The following SEPTIN9 variants were observed in gnomAD, a reference collection of about 807,000 sequenced individuals.
SEPTIN9 encodes septin 9, also known as septin-9.
Under a neutral mutation model 56.6 loss-of-function variants are expected in SEPTIN9, and 13 were observed. The ratio of observed to expected loss-of-function variants is 0.23; its 90% confidence interval spans 0.15 to 0.37. SEPTIN9 has a LOEUF of 0.37. Among genes scored for constraint, SEPTIN9 ranks in the 10% least tolerant of loss-of-function variants. SEPTIN9 has a pLI of 1.00. For missense variants in SEPTIN9, 650 were observed against 823.1 expected (o/e 0.79, Z 2.57); for synonymous variants, 332 against 334.1 (o/e 0.99, Z 0.07).
chr17:77,478,721 T>C (rs1199552617), intron 3 of SEPTIN9, among the ~76,000 whole-genome samples: 3 of 150,834 alleles, frequency 2.0e-5, no homozygotes, highest in Non-Finnish European at 4.4e-5. Context: ...GAGAATTGCT[T>C]GAACCTGGGG....
At chr17:77,447,206 C>A (rs574070358) in intron 3 of SEPTIN9, 52 of 167,160 alleles carry the variant, frequency 3.1e-4, no homozygotes, top group African/African-American at 1.2e-3. Context: ...GCGGGGAGGC[C>A]GGCGTGTGGA....
At chr17:77,430,963 C>T (rs1443007163) in intron 3 of SEPTIN9, among the ~76,000 whole-genome samples, 1 of 151,354 alleles carries the variant, frequency 6.6e-6, no homozygotes, top group East Asian at 1.9e-4. Context: ...TGCACTCCAG[C>T]CTGGGCAACA....
intron 3 of SEPTIN9, among the ~76,000 whole-genome samples, chr17:77,461,781 A>G (rs556085369): frequency 1.3e-5 from 2 of 152,352 alleles, no homozygotes; most frequent in African/African-American, 2.4e-5. Flanking sequence ...GAGGTTGGCA[A>G]GTGCCAAGAT....
intron 2 of SEPTIN9, among the ~76,000 whole-genome samples, chr17:77,372,590 T>C (rs558553179): frequency 3.3e-5 from 5 of 152,298 alleles, no homozygotes; most frequent in Non-Finnish European, 7.4e-5. Context: ...GAGGCCCTTA[T>C]TGTGGAGGAA....
In SEPTIN9 at chr17:77,330,752, G is replaced by A. The variant is rs1175657917; in HGVS notation, c.76+23555G>A. The stretch of plus-strand genomic sequence containing the variant: ...GGGAGAGGCACAGGCATGCCTGTCC[G>A]GCAGCAGAAGGGAACCCCGGGCCTG... On this transcript the variant is annotated intron_variant, in intron 2 of 11. Coordinates refer to ENST00000427177, the MANE Select transcript of SEPTIN9 (RefSeq NM_001113491.2). This position sits in a 1 kb window ranked among gnomAD's most constrained non-coding sequence, Gnocchi z 4.4. 6.6e-6 allele frequency among the ~76,000 whole-genome samples: 1 copy of A among 152,240 alleles called. No individual in the cohort carries two copies. Among genetic ancestry groups the A allele is most frequent in the Non-Finnish European group, 1.5e-5 (1 of 68,036 alleles).
rs868605809 is a variant in SEPTIN9 at position 77,373,377 on chromosome 17, C to G, written c.77-28682C>G. On this transcript the variant is annotated intron_variant, in intron 2 of 11. Transcript: ENST00000427177. ...CCAGGGGGCCTAGGGGCTCCTCCGG[C>G]GGCTAGCTCTGCACTGCAGGAGCGC... 2.5e-6 allele frequency: 3 copies of G among 1,211,186 alleles called. No homozygotes were observed. In the East Asian group the frequency reaches 1.1e-4, roughly 44 times the overall value. The allele number at this position is 1,211,186 out of a possible 1,614,324, so 75.0% of individuals were successfully genotyped here. A position where few individuals can be genotyped will look rare whatever the true frequency, so the allele number is the denominator to read the frequency against.
rs958315057 is a variant in SEPTIN9, at chr17:77,319,383, G to A, written c.76+12186G>A. ...AGCACTGATCCCCCAGTGGGGCCCC[G>A]AGTTCCCGGAGAGGAAGACTCGCTC... On this transcript the variant is annotated intron_variant, in intron 2 of 11. Coordinates refer to ENST00000427177, the MANE Select transcript of SEPTIN9 (RefSeq NM_001113491.2). This position sits in a 1 kb window ranked among gnomAD's most constrained non-coding sequence, Gnocchi z 5.3. 3 of 261,962 alleles carry A rather than the reference G, an allele frequency of 1.1e-5. No individual in the cohort carries two copies. The highest frequency in any genetic ancestry group is 6.8e-5 in the African/African-American group (3 of 43,886). The allele number at this position is 261,962 out of a possible 1,614,324, so 16.2% of individuals were successfully genotyped here. A position where few individuals can be genotyped will look rare whatever the true frequency, so the allele number is the denominator to read the frequency against.
intron 2 of SEPTIN9, among the ~76,000 whole-genome samples, chr17:77,339,231 A>T (rs2033651015): frequency 6.6e-6 from 1 of 152,226 alleles, no homozygotes; most frequent in Non-Finnish European, 1.5e-5. Context: ...AGAATGGGGA[A>T]TCCTTTCCAG....
intron 3 of SEPTIN9, among the ~76,000 whole-genome samples, chr17:77,470,591 C>G (rs1286778254): frequency 6.6e-6 from 1 of 152,186 alleles, no homozygotes; most frequent in Non-Finnish European, 1.5e-5. Context: ...TCCAGTCATT[C>G]ATCCATTTGC....
rs889203957 is a variant in SEPTIN9, at chr17:77,453,187, G to A, written c.722-28957G>A. On this transcript the variant is annotated intron_variant, in intron 3 of 11. Coordinates refer to ENST00000427177, the MANE Select transcript of SEPTIN9 (RefSeq NM_001113491.2). This position sits in a 1 kb window ranked among gnomAD's most constrained non-coding sequence, Gnocchi z 4.4. ...CCACTGTGTGCGCCTGGGGGGTGGC[G>A]TGGGGCACTCTGGGATGAGAAGATG... Among the ~76,000 whole-genome samples, 10 of 152,258 alleles carry A rather than the reference G, an allele frequency of 6.6e-5. No homozygotes were observed. Among genetic ancestry groups the A allele is most frequent in the East Asian group, 3.9e-4 (2 of 5,178 alleles).
intron 1 of SEPTIN9, among the ~76,000 whole-genome samples, chr17:77,283,203 A>G (rs1295580759): frequency 7.0e-6 from 1 of 143,200 alleles, no homozygotes; most frequent in Non-Finnish European, 1.5e-5. Flanking sequence ...AACCTTTTGC[A>G]GTAGGTGGAA....
In SEPTIN9 at chr17:77,346,278, C is replaced by CTTTTTTTTTTTTTT. The variant is rs577131369; in HGVS notation, c.76+39097_76+39110dup. Among the ~76,000 whole-genome samples the CTTTTTTTTTTTTTT allele has an allele frequency of 7.6e-4, 35 of 46,312 alleles. 1 individual carries two copies. The highest frequency in any genetic ancestry group is 1.7e-3 in the East Asian group (2 of 1,144). The allele number at this position is 46,312 out of a possible 152,430, so 30.4% of individuals were successfully genotyped here. ...AGATTCTTAAAGCAGATCCTTAGGT[C>CTTTTTTTTTTTTTT]TTTTTTTTTTTTTTTTTTTTTTTTT... On this transcript the variant is annotated intron_variant, in intron 2 of 11. Transcript: ENST00000427177.
intron 3 of SEPTIN9, among the ~76,000 whole-genome samples, chr17:77,477,113 T>TCCTTCCCCCTCCCTCCTTCCCTTCTTTC (rs1450993186): frequency 3.3e-5 from 5 of 151,408 alleles, no homozygotes; most frequent in African/African-American, 1.2e-4. Context: ...CTTCCCTGTT[T>TCCTTCCCCCTCCCTCCTTCCCTTCTTTC]CCTTCCCCCT....
At position 77,492,640 on chromosome 17, in the gene SEPTIN9, C is replaced by A; in HGVS notation, c.1400C>A (p.Ser467Tyr). 6.2e-7 allele frequency: 1 copy of A among 1,614,092 alleles called. No individual in the cohort carries two copies. Among genetic ancestry groups the A allele is most frequent in the Non-Finnish European group, 8.5e-7 (1 of 1,180,012 alleles). ...TCCCAGATCACCGCAGACCTGCTGT[C>A]CAACGGCATCGACGTGTACCCCCAG... ...FKQRITADLL[S>Y]NGIDVYPQKE... Residue 467 changes from serine (S) to tyrosine (Y), a missense_variant, in exon 9 of 12, where the codon TCC becomes TAC. Ser to Tyr is a moderately radical substitution (Grantham distance 144). Transcript: ENST00000427177. The surrounding 1 kb of genome is among the most constrained non-coding windows in gnomAD (Gnocchi z 5.4).
At chr17:77,461,615 A>C (rs2144502713) in intron 3 of SEPTIN9, among the ~76,000 whole-genome samples, 1 of 152,352 alleles carries the variant, frequency 6.6e-6, no homozygotes, top group South Asian at 2.1e-4. Context: ...ACATACTGTG[A>C]CGTTGACCTT....
intron 2 of SEPTIN9, among the ~76,000 whole-genome samples, chr17:77,321,510 C>T (rs906027443): frequency 2.3e-4 from 35 of 152,062 alleles, no homozygotes; most frequent in African/African-American, 8.0e-4. Context: ...TGCCATTCTC[C>T]TGCCTCAGCC....
chr17:77,424,779 A>G (rs1406359744), intron 3 of SEPTIN9, among the ~76,000 whole-genome samples: 1 of 152,184 alleles, frequency 6.6e-6, no homozygotes, highest in Non-Finnish European at 1.5e-5. Flanking sequence ...GGGAGGATCA[A>G]ATGAGACCTG....
rs1180077787 is a variant in SEPTIN9 at position 77,313,620 on chromosome 17, C to A, written c.76+6423C>A. 1.3e-5 allele frequency among the ~76,000 whole-genome samples: 2 copies of A among 152,104 alleles called. No homozygotes were observed. Among genetic ancestry groups the A allele is most frequent in the African/African-American group, 4.8e-5 (2 of 41,406 alleles). On this transcript the variant is annotated intron_variant, in intron 2 of 11. Transcript: ENST00000427177. The surrounding 1 kb of genome is among the most constrained non-coding windows in gnomAD (Gnocchi z 4.5). Reference sequence around the variant, plus strand: ...CTGGCTCTGCTGGCAGGTACAGTAGCAGGGTCAGCAGGAGGGAGTCCAGGA... The same window carrying A: ...CTGGCTCTGCTGGCAGGTACAGTAGAAGGGTCAGCAGGAGGGAGTCCAGGA...
Position 77,402,746 on chromosome 17 carries a change from G to C in SEPTIN9, c.721+43G>C, listed in dbSNP as rs772103681. ...AGGTCTTGGATGCTGTGGTAATGGG[G>C]GGCCTGGTTGCTGGCTTTGCCACAG... On this transcript the variant is annotated intron_variant, in intron 3 of 11. Coordinates refer to ENST00000427177, the MANE Select transcript of SEPTIN9 (RefSeq NM_001113491.2). This position sits in a 1 kb window ranked among gnomAD's most constrained non-coding sequence, Gnocchi z 6.6. 8 of 1,512,640 alleles carry C rather than the reference G, an allele frequency of 5.3e-6. No individual in the cohort carries two copies. The African/African-American group carries it at 8.4e-5, about 16-fold the overall frequency. 93.7% of individuals were successfully genotyped at this position (1,512,640 alleles called of 1,614,324 possible). A position where few individuals can be genotyped will look rare whatever the true frequency, so the allele number is the denominator to read the frequency against.
Sources: allele counts gnomAD v4.1 joint callset (sites outside exome capture counted in the v4.1 genomes callset), GRCh38; gene constraint gnomAD v4.1.1; non-coding constraint Gnocchi (gnomAD v3.1); transcripts MANE v1.5; gene names NCBI Gene and HGNC (gene_info 2026-07-23, HGNC 2026-07-21).